PTBP3: variants seen among roughly 807,000 people sequenced by gnomAD.
The protein encoded by PTBP3 is polypyrimidine tract binding protein 3, also known as polypyrimidine tract-binding protein 3.
In PTBP3, 20 loss-of-function variants were observed where a neutral mutation model predicts 58.7. The observed-to-expected ratio is 0.34, with a 90% CI of 0.24 to 0.50. PTBP3 has a LOEUF of 0.50. Ranked by LOEUF, PTBP3 falls within the 20% of genes least tolerant of loss-of-function variation. The pLI is 0.98. For synonymous variants in PTBP3, 185 were observed against 219.8 expected, an observed-to-expected ratio of 0.84 and a Z score of 1.40; for missense variants, 509 against 637.2, an observed-to-expected ratio of 0.80 and a Z score of 2.17.
At chr9:112,327,430 G>A (rs1328905381) in intron 1 of PTBP3, among the ~76,000 whole-genome samples, 1 of 151,684 alleles carries the variant, frequency 6.6e-6, no homozygotes, top group African/African-American at 2.4e-5. Context: ...GCATGGTGGC[G>A]TGTGCCTGTA....
intron 3 of PTBP3, among the ~76,000 whole-genome samples, chr9:112,269,105 G>C (rs372554264): frequency 6.0e-5 from 9 of 151,132 alleles, no homozygotes; most frequent in East Asian, 3.9e-4. Flanking sequence ...GCTAAGGCAG[G>C]AGAATCACTT....
the PTBP3 span, among the ~76,000 whole-genome samples, chr9:112,356,796 G>GCACACA: frequency 1.4e-4 from 9 of 62,548 alleles, no homozygotes; most frequent in African/African-American, 4.3e-4. Flanking sequence ...TTGCGTGTGC[G>GCACACA]CACACACACA....
intron 4 of PTBP3, among the ~76,000 whole-genome samples, chr9:112,266,114 G>A (rs1299556204): frequency 6.6e-6 from 1 of 152,144 alleles, no homozygotes; most frequent in Non-Finnish European, 1.5e-5. Context: ...GGAAGGAATA[G>A]GGAGTTACTG....
the PTBP3 span, among the ~76,000 whole-genome samples, chr9:112,369,419 T>A: frequency 6.6e-6 from 1 of 152,344 alleles, no homozygotes; most frequent in Non-Finnish European, 1.5e-5. Flanking sequence ...CACTGTGACC[T>A]GGATGTGAGA....
the PTBP3 span, among the ~76,000 whole-genome samples, chr9:112,356,127 A>G: frequency 1.3e-5 from 2 of 150,584 alleles, no homozygotes; most frequent in Non-Finnish European, 3.0e-5. Context: ...ACAGGCGCAC[A>G]CCACCACACC....
At chr9:112,342,234 A>G in the PTBP3 span, among the ~76,000 whole-genome samples, 1 of 152,184 alleles carries the variant, frequency 6.6e-6, no homozygotes, top group Non-Finnish European at 1.5e-5. Flanking sequence ...ATTTGGACTT[A>G]GACAGAGCCG....
chr9:112,311,196 G>GT (rs76795645), intron 1 of PTBP3, among the ~76,000 whole-genome samples: 1,668 of 145,608 alleles, frequency 0.011, 24 homozygotes, highest in African/African-American at 0.033. Context: ...TGGAAAATGT[G>GT]TTTTTTTTTT....
intron 1 of PTBP3, among the ~76,000 whole-genome samples, chr9:112,325,878 A>G (rs1041801564): frequency 6.6e-6 from 1 of 152,044 alleles, no homozygotes; most frequent in African/African-American, 2.4e-5. Flanking sequence ...ATTAGCCCGG[A>G]GCGGTGGAGC....
upstream of PTBP3, among the ~76,000 whole-genome samples, chr9:112,336,386 C>T (rs944534487): frequency 2.0e-5 from 3 of 151,808 alleles, no homozygotes; most frequent in Admixed American, 1.3e-4. Flanking sequence ...TTCAACAATC[C>T]TTTATATAAA....
chr9:112,248,492 T>C (rs1835974244), intron 7 of PTBP3, among the ~76,000 whole-genome samples: 1 of 152,112 alleles, frequency 6.6e-6, no homozygotes, highest in Non-Finnish European at 1.5e-5. Flanking sequence ...AACTTATTCG[T>C]GTAATAAATA....
chr9:112,223,367 GA>G lies in PTBP3; in HGVS notation c.*483del, dbSNP rs1834867576. The G allele has an allele frequency of 1.0e-6, 1 of 967,406 alleles. No homozygotes were observed. The allele number at this position is 967,406 out of a possible 1,614,324, so 59.9% of individuals were successfully genotyped here. A position where few individuals can be genotyped will look rare whatever the true frequency, so the allele number is the denominator to read the frequency against. ...CAAAGATCTGATGTACTTTATATGT[GA>G]ATATAATTTCCTACAAGGGTCAGAC... is the stretch of plus-strand genomic sequence containing the variant. On this transcript the variant is annotated 3_prime_UTR_variant, in exon 14 of 14. Coordinates refer to ENST00000374257, the MANE Select transcript of PTBP3 (RefSeq NM_001163788.4).
At chr9:112,282,895 T>C (rs1426571995) in intron 2 of PTBP3, among the ~76,000 whole-genome samples, 2 of 151,892 alleles carry the variant, frequency 1.3e-5, no homozygotes, top group East Asian at 3.9e-4. Context: ...TGGTGGGAGG[T>C]GACTGGATCA....
chr9:112,355,256 A>G, the PTBP3 span, among the ~76,000 whole-genome samples: 6 of 152,226 alleles, frequency 3.9e-5, no homozygotes, highest in Non-Finnish European at 8.8e-5. Context: ...GGAAATGTTG[A>G]AGAAGGAAAT....
At chr9:112,236,041 T>C (rs1835426278) in intron 7 of PTBP3, among the ~76,000 whole-genome samples, 1 of 152,116 alleles carries the variant, frequency 6.6e-6, no homozygotes, top group East Asian at 1.9e-4. Flanking sequence ...AGGGGGGAGT[T>C]TGCTTTTTCA....
intron 9 of PTBP3, 32 bp downstream of exon 9, chr9:112,232,067 A>G (rs1470610657): frequency 6.4e-7 from 1 of 1,564,708 alleles, no homozygotes; most frequent in Non-Finnish European, 8.6e-7. Context: ...TTCTCCTGAA[A>G]GACTATTTAC....
chr9:112,369,433 G>A, the PTBP3 span, among the ~76,000 whole-genome samples: 22 of 152,324 alleles, frequency 1.4e-4, no homozygotes, highest in Non-Finnish European at 2.5e-4. Context: ...TGTGAGACAC[G>A]GAGTCAAAGG....
chr9:112,224,008 A>G (rs776217790), intron 13 of PTBP3, 25 bp from the exon 14 acceptor site: 2 of 1,601,590 alleles, frequency 1.2e-6, no homozygotes, highest in South Asian at 1.1e-5. Context: ...AGAAATACAG[A>G]AAGTATTTAG....
Position 112,222,354 on chromosome 9 carries a change from C to T in PTBP3, c.*1497G>A. On this transcript the variant is annotated 3_prime_UTR_variant, in exon 14 of 14. Transcript: ENST00000374257. Reference sequence around the variant, plus strand: ...GGGACAGAGTATGAGAAATAACCCACCTTCTCATACTCCAAATACGTGGGT... The same window carrying T: ...GGGACAGAGTATGAGAAATAACCCATCTTCTCATACTCCAAATACGTGGGT... 1.0e-6 allele frequency: 1 copy of T among 984,902 alleles called. No homozygotes were observed. Among genetic ancestry groups the T allele is most frequent in the Non-Finnish European group, 1.2e-6 (1 of 829,124 alleles). The allele number at this position is 984,902 out of a possible 1,614,324, so 61.0% of individuals were successfully genotyped here. A position where few individuals can be genotyped will look rare whatever the true frequency, so the allele number is the denominator to read the frequency against.
intron 1 of PTBP3, among the ~76,000 whole-genome samples, chr9:112,312,488 GT>G (rs11384712): frequency 4.0e-5 from 3 of 75,928 alleles, no homozygotes; most frequent in Non-Finnish European, 6.8e-5. Context: ...TTTTTTTTTT[GT>G]TTTTTTTTTT....
Sources: gnomAD v4.1 joint callset for allele counts (sites outside exome capture counted in the v4.1 genomes callset) on GRCh38, gnomAD v4.1.1 for gene constraint, MANE v1.5 for transcripts, NCBI Gene and HGNC (gene_info 2026-07-23, HGNC 2026-07-21) for gene names.